The following XYLT1 variants were observed in gnomAD, a reference collection of about 807,000 sequenced individuals.
XYLT1 encodes the protein beta-D-xylosyltransferase 1.
Under a neutral mutation model 91.3 loss-of-function variants are expected in XYLT1, and 36 were observed. That is an observed-to-expected ratio of 0.39 (90% confidence interval 0.30 to 0.52). XYLT1 has a LOEUF of 0.52. Ranked by LOEUF, XYLT1 falls within the 20% of genes least tolerant of loss-of-function variation. The pLI is 0.68. For synonymous variants in XYLT1, 588 were observed against 532.0 expected, an observed-to-expected ratio of 1.11 and a Z score of -1.45; for missense variants, 1,242 against 1,284.5, an observed-to-expected ratio of 0.97 and a Z score of 0.51.
chr16:17,235,622 T>G (rs1301484622), intron 3 of XYLT1, among the ~76,000 whole-genome samples: 3 of 152,314 alleles, frequency 2.0e-5, no homozygotes, highest in South Asian at 4.1e-4. Flanking sequence ...TTCAGGATAC[T>G]GAGTGGGGAA....
At chr16:17,408,816 C>T (rs968805687) in intron 1 of XYLT1, among the ~76,000 whole-genome samples, 3 of 152,124 alleles carry the variant, frequency 2.0e-5, no homozygotes, top group Admixed American at 6.5e-5. Context: ...CCATTACACT[C>T]CAGCCCGGGC....
intron 1 of XYLT1, among the ~76,000 whole-genome samples, chr16:17,442,230 G>A (rs2036540303): frequency 1.3e-5 from 2 of 152,282 alleles, no homozygotes; most frequent in Admixed American, 1.3e-4. Context: ...ACTTGTATGA[G>A]CCAATTCCTT....
chr16:17,222,537 C>G (rs1420423031), intron 3 of XYLT1, among the ~76,000 whole-genome samples: 2 of 152,164 alleles, frequency 1.3e-5, no homozygotes, highest in African/African-American at 4.8e-5. Context: ...CGCCTGTAAT[C>G]CCAGCACTTT....
intron 1 of XYLT1, among the ~76,000 whole-genome samples, chr16:17,385,877 A>C (rs1046511894): frequency 1.3e-5 from 2 of 152,212 alleles, no homozygotes; most frequent in African/African-American, 4.8e-5. Context: ...TTACTCAACT[A>C]ACAGTGGCAA....
intron 3 of XYLT1, among the ~76,000 whole-genome samples, chr16:17,243,711 A>G (rs569659369): frequency 6.6e-6 from 1 of 152,364 alleles, no homozygotes; most frequent in Non-Finnish European, 1.5e-5. Context: ...GGCAACGGTC[A>G]GCAATCAATG....
At chr16:17,125,522 C>T (rs1429197417) in intron 10 of XYLT1, among the ~76,000 whole-genome samples, 1 of 152,022 alleles carries the variant, frequency 6.6e-6, no homozygotes, top group Non-Finnish European at 1.5e-5. Flanking sequence ...TTCCCAGTGC[C>T]TAAGGGCCTT....
intron 2 of XYLT1, among the ~76,000 whole-genome samples, chr16:17,281,858 T>G (rs1474327551): frequency 6.6e-6 from 1 of 152,232 alleles, no homozygotes; most frequent in East Asian, 1.9e-4. Context: ...TCAGTCCCTC[T>G]GGTCCCTTAT....
intron 1 of XYLT1, among the ~76,000 whole-genome samples, chr16:17,456,476 T>C (rs1044824181): frequency 6.6e-6 from 1 of 151,316 alleles, no homozygotes; most frequent in Non-Finnish European, 1.5e-5. Flanking sequence ...TAGCTGGAAC[T>C]ACAGGCATGC....
At chr16:17,392,715 A>AT (rs1022518882) in intron 1 of XYLT1, among the ~76,000 whole-genome samples, 1 of 152,144 alleles carries the variant, frequency 6.6e-6, no homozygotes, top group Non-Finnish European at 1.5e-5. Context: ...AGAAGGCCAC[A>AT]TATCTCTCCA....
chr16:17,446,890 AC>A (rs1218447290), intron 1 of XYLT1, among the ~76,000 whole-genome samples: 1 of 147,774 alleles, frequency 6.8e-6, no homozygotes, highest in East Asian at 1.9e-4. Context: ...AGTGCGGGGG[AC>A]TGCAGCCAAA....
chr16:17,160,514 C>T (rs148171784), intron 5 of XYLT1, among the ~76,000 whole-genome samples: 4 of 152,290 alleles, frequency 2.6e-5, no homozygotes, highest in Admixed American at 6.5e-5. Context: ...GAGCGCTGCT[C>T]GTGTCCCATC....
chr16:17,341,906 C>T (rs995835160), intron 2 of XYLT1, among the ~76,000 whole-genome samples: 6 of 152,178 alleles, frequency 3.9e-5, no homozygotes, highest in Non-Finnish European at 7.3e-5. Flanking sequence ...CTGGTCCAAA[C>T]CACCCCTGCA....
chr16:17,221,260 A>G (rs1362293319), intron 3 of XYLT1, among the ~76,000 whole-genome samples: 2 of 152,216 alleles, frequency 1.3e-5, no homozygotes, highest in African/African-American at 4.8e-5. Context: ...TGCTAACCCC[A>G]GAAACAATGC....
In XYLT1 at chr16:17,108,086, G is replaced by T; in HGVS notation, c.*609C>A. 6.5e-6 allele frequency: 1 copy of T among 152,968 alleles called. No homozygotes were observed. The highest frequency in any genetic ancestry group is 1.5e-5 in the Non-Finnish European group (1 of 68,188). The allele number at this position is 152,968 out of a possible 1,614,324, so 9.5% of individuals were successfully genotyped here. A position where few individuals can be genotyped will look rare whatever the true frequency, so the allele number is the denominator to read the frequency against. On this transcript the variant is annotated 3_prime_UTR_variant, in exon 12 of 12. Transcript: ENST00000261381. ...ACCATGACTTTCAAGGCTGGCACCAGAGTCCCCCAGCCAAGAGAAGCAGAA... is the reference window on the plus strand; with the variant it reads ...ACCATGACTTTCAAGGCTGGCACCATAGTCCCCCAGCCAAGAGAAGCAGAA...
chr16:17,214,124 G>T lies in XYLT1; in HGVS notation c.914-13470C>A, dbSNP rs145304355. The stretch of plus-strand genomic sequence containing the variant: ...TTGCATTTCCCAGTGCCCCCTAGGG[G>T]ACCAGCATGGTTTGAGAACCACTCA... On this transcript the variant is annotated intron_variant, in intron 3 of 11. Coordinates refer to ENST00000261381, the MANE Select transcript of XYLT1 (RefSeq NM_022166.4). 8.0e-3 allele frequency among the ~76,000 whole-genome samples: 1,213 copies of T among 152,250 alleles called. 5 individuals carry two copies. Among genetic ancestry groups the T allele is most frequent in the Middle Eastern group, 0.027 (8 of 294 alleles).
At chr16:17,205,166 G>T (rs934263339) in intron 3 of XYLT1, among the ~76,000 whole-genome samples, 1 of 152,160 alleles carries the variant, frequency 6.6e-6, no homozygotes, top group Non-Finnish European at 1.5e-5. Flanking sequence ...GAGGATGATG[G>T]GGGGTCCCGG....
chr16:17,174,472 G>A (rs563214556), intron 5 of XYLT1, among the ~76,000 whole-genome samples: 1 of 152,320 alleles, frequency 6.6e-6, no homozygotes, highest in Admixed American at 6.5e-5. Flanking sequence ...AAGCTACAAT[G>A]CAGATGAACC....
At chr16:17,452,872 CACAT>C (rs2036685119) in intron 1 of XYLT1, among the ~76,000 whole-genome samples, 1 of 152,086 alleles carries the variant, frequency 6.6e-6, no homozygotes, top group Non-Finnish European at 1.5e-5. Context: ...CACACACACA[CACAT>C]ACACACACAC....
In XYLT1 at chr16:17,457,431, A is replaced by G. The variant is rs575250486; in HGVS notation, c.363+13003T>C. 5.3e-5 allele frequency among the ~76,000 whole-genome samples: 8 copies of G among 152,338 alleles called. No homozygotes were observed. In the South Asian group the frequency reaches 1.7e-3, roughly 32 times the overall value. ...TTTTGTTTGCTTTAATTCTAAAAGAAAGCCAAACAGCAGTCAGCCTCCAGG... is the reference window on the plus strand; with the variant it reads ...TTTTGTTTGCTTTAATTCTAAAAGAGAGCCAAACAGCAGTCAGCCTCCAGG... On this transcript the variant is annotated intron_variant, in intron 1 of 11. Transcript: ENST00000261381.
Sources: gnomAD v4.1 joint callset for allele counts (sites outside exome capture counted in the v4.1 genomes callset) on GRCh38, gnomAD v4.1.1 for gene constraint, MANE v1.5 for transcripts, NCBI Gene and HGNC (gene_info 2026-07-23, HGNC 2026-07-21) for gene names.